The following ADK variants were observed in gnomAD, a reference collection of about 807,000 sequenced individuals.
ADK encodes N6,N6-dimethyladenosine kinase.
Under a neutral mutation model 44.7 loss-of-function variants are expected in ADK, and 24 were observed. That is an observed-to-expected ratio of 0.54 (90% CI 0.39 to 0.76). ADK has a LOEUF of 0.76. ADK is among the 30% of genes least tolerant of loss of function. The pLI is 0.00. For synonymous variants in ADK, 128 were observed against 142.6 expected (o/e 0.90, Z 0.73); for missense variants, 321 against 425.1 (o/e 0.76, Z 2.15).
chr10:74,420,068 T>C (rs1367685962), intron 6 of ADK, among the ~76,000 whole-genome samples: 1 of 152,144 alleles, frequency 6.6e-6, no homozygotes, highest in Non-Finnish European at 1.5e-5. Flanking sequence ...AATCTTAAAG[T>C]TCTTAACTGA....
Position 74,394,202 on chromosome 10 carries a change from T to C in ADK, c.335T>C (p.Phe112Ser), listed in dbSNP as rs775598243. 8 of 1,613,960 alleles carry C rather than the reference T, an allele frequency of 5.0e-6. No individual in the cohort carries two copies. The highest frequency in any genetic ancestry group is 1.1e-5 in the South Asian group (1 of 91,078). Reference sequence around the variant, plus strand: ...TTTGGATGCATTGGGATAGATAAATTTGGGGAGATCCTGAAGAGAAAAGCT... The same window carrying C: ...TTTGGATGCATTGGGATAGATAAATCTGGGGAGATCCTGAAGAGAAAAGCT... ...TFFGCIGIDKFGEILKRKAAE... is the reference protein window; with the variant it reads ...TFFGCIGIDKSGEILKRKAAE... Residue 112 changes from phenylalanine to serine, a missense_variant, in exon 5 of 11, where the codon TTT becomes TCT. By Grantham distance (155) the Phe-to-Ser change is radical (BLOSUM62 -2). Coordinates refer to ENST00000539909, the MANE Select transcript of ADK (RefSeq NM_006721.4).
intron 10 of ADK, among the ~76,000 whole-genome samples, chr10:74,688,361 T>G (rs1024264322): frequency 1.3e-5 from 2 of 152,224 alleles, no homozygotes; most frequent in Non-Finnish European, 2.9e-5. Flanking sequence ...GAACAGGAAC[T>G]GTAAGTGTCT....
At chr10:74,659,368 A>C (rs895043166) in intron 9 of ADK, among the ~76,000 whole-genome samples, 3 of 152,252 alleles carry the variant, frequency 2.0e-5, no homozygotes, top group Non-Finnish European at 4.4e-5. Flanking sequence ...TTATATGTTT[A>C]CATTCAGAAC....
intron 7 of ADK, 36 bp downstream of exon 7, chr10:74,525,462 G>T (rs45452695): frequency 4.5e-6 from 7 of 1,558,256 alleles, no homozygotes; most frequent in South Asian, 2.2e-5. Context: ...GAACCTGGGG[G>T]TTTTTTGTTT....
chr10:74,258,366 T>TA (rs1473583092), intron 3 of ADK, among the ~76,000 whole-genome samples: 1 of 152,176 alleles, frequency 6.6e-6, no homozygotes, highest in African/African-American at 2.4e-5. Context: ...TACTCAGTAT[T>TA]AGCCTATAGC....
chr10:74,701,860 C>T (rs1004955901), intron 10 of ADK, among the ~76,000 whole-genome samples: 1 of 152,152 alleles, frequency 6.6e-6, no homozygotes, highest in Non-Finnish European at 1.5e-5. Context: ...AGGAGAGTCA[C>T]TTGAACTGGG....
At chr10:74,268,462 A>C (rs1193685888) in intron 3 of ADK, among the ~76,000 whole-genome samples, 4 of 152,030 alleles carry the variant, frequency 2.6e-5, no homozygotes, top group Non-Finnish European at 5.9e-5. Context: ...GTGACTTCTC[A>C]GAGTCCATTT....
intron 6 of ADK, among the ~76,000 whole-genome samples, chr10:74,519,771 T>C (rs957404009): frequency 6.6e-6 from 1 of 151,970 alleles, no homozygotes; most frequent in African/African-American, 2.4e-5. Context: ...TATCTATTGG[T>C]GTCCTAATGT....
intron 1 of ADK, among the ~76,000 whole-genome samples, chr10:74,178,427 G>A (rs1311111297): frequency 6.6e-6 from 1 of 152,144 alleles, no homozygotes; most frequent in Non-Finnish European, 1.5e-5. Flanking sequence ...ATTATACCCA[G>A]AGTTAATTCC....
At chr10:74,478,189 A>G (rs528699987) in intron 6 of ADK, among the ~76,000 whole-genome samples, 2 of 152,200 alleles carry the variant, frequency 1.3e-5, no homozygotes, top group Admixed American at 6.5e-5. Context: ...GATTATAGGC[A>G]TTAGCCACTA....
chr10:74,650,594 A>C (rs1854226024), intron 9 of ADK, among the ~76,000 whole-genome samples: 1 of 152,170 alleles, frequency 6.6e-6, no homozygotes, highest in African/African-American at 2.4e-5. Context: ...CTGTCAGTAC[A>C]TTAAAAATAG....
At chr10:74,638,776 A>G (rs778851062) in intron 9 of ADK, among the ~76,000 whole-genome samples, 8 of 152,250 alleles carry the variant, frequency 5.3e-5, no homozygotes, top group Non-Finnish European at 1.0e-4. Flanking sequence ...TGAGACTAAT[A>G]TGAGCTCTAG....
intron 9 of ADK, among the ~76,000 whole-genome samples, chr10:74,628,180 G>A (rs1431377692): frequency 1.3e-5 from 2 of 152,064 alleles, no homozygotes; most frequent in Non-Finnish European, 2.9e-5. Context: ...GTATTACTAT[G>A]TATTTAACAG....
intron 6 of ADK, among the ~76,000 whole-genome samples, chr10:74,458,982 A>G (rs1846059182): frequency 1.3e-5 from 2 of 152,298 alleles, no homozygotes; most frequent in Non-Finnish European, 2.9e-5. Flanking sequence ...AATATATTCT[A>G]TGAAAAAAAA....
At chr10:74,387,117 A>C (rs573212635) in intron 4 of ADK, among the ~76,000 whole-genome samples, 1 of 152,082 alleles carries the variant, frequency 6.6e-6, no homozygotes, top group Non-Finnish European at 1.5e-5. Context: ...TTGCATTTTT[A>C]GTAGAGACGG....
intron 4 of ADK, among the ~76,000 whole-genome samples, chr10:74,353,325 C>T (rs1054179716): frequency 1.3e-5 from 2 of 152,068 alleles, no homozygotes; most frequent in African/African-American, 4.8e-5. Context: ...CCAAACACCA[C>T]ATGTTCTCAT....
intron 4 of ADK, among the ~76,000 whole-genome samples, chr10:74,365,989 A>G (rs116583036): frequency 0.013 from 2,034 of 152,244 alleles, 46 homozygotes; most frequent in African/African-American, 0.046. Context: ...AAATGTTTTC[A>G]TGTGCCTGTT....
At chr10:74,191,895 C>T (rs1842963283) in intron 1 of ADK, among the ~76,000 whole-genome samples, 1 of 152,174 alleles carries the variant, frequency 6.6e-6, no homozygotes, top group Non-Finnish European at 1.5e-5. Context: ...TATTCTGTTA[C>T]CACAAAGAAA....
chr10:74,166,698 A>G (rs1209162627), intron 1 of ADK, among the ~76,000 whole-genome samples: 1 of 104,792 alleles, frequency 9.5e-6, no homozygotes, highest in Non-Finnish European at 2.4e-5. Context: ...AAAAAAAAAA[A>G]AAAGAAAAAA....
Sources: gnomAD v4.1 joint callset for allele counts (sites outside exome capture counted in the v4.1 genomes callset) on GRCh38, gnomAD v4.1.1 for gene constraint, MANE v1.5 for transcripts, NCBI Gene and HGNC (gene_info 2026-07-23, HGNC 2026-07-21) for gene names.